RTTN: variants seen among roughly 807,000 people sequenced by gnomAD.
RTTN encodes the protein rotatin.
In RTTN, 182 loss-of-function variants were observed where a neutral mutation model predicts 269.2. That is an observed-to-expected ratio of 0.68 (90% CI 0.60 to 0.76). The LOEUF (loss-of-function observed/expected upper bound fraction) is 0.76. RTTN is among the 30% of genes least tolerant of loss of function. The pLI is 0.00. For synonymous variants in RTTN, 1,006 were observed against 963.5 expected (o/e 1.04, Z -0.82); for missense variants, 2,545 against 2,608.6 (o/e 0.98, Z 0.53).
At chr18:70,109,748 C>A (rs1410811972) in intron 27 of RTTN, 31 bp from the exon 28 acceptor site, 2 of 1,575,472 alleles carry the variant, frequency 1.3e-6, no homozygotes, top group Non-Finnish European at 1.7e-6. Context: ...AAATCAACCA[C>A]CAAGAAAGTA....
intron 33 of RTTN, 108 bp from the exon 34 acceptor site, chr18:70,074,102 A>C: frequency 3.0e-6 from 2 of 671,232 alleles, no homozygotes; most frequent in Non-Finnish European, 5.1e-6. Flanking sequence ...AGAAAGGAAA[A>C]AACTTATATG....
In RTTN at chr18:70,073,977, T is replaced by G. The variant is rs747812556; in HGVS notation, c.4582A>C (p.Lys1528Gln). 1.2e-6 allele frequency: 2 copies of G among 1,611,104 alleles called. No homozygotes were observed. Among genetic ancestry groups the G allele is most frequent in the Admixed American group, 3.3e-5 (2 of 59,834 alleles). ...GTCCTAGATGGAGCCCTCCAAAACTTGAATGAGTCATCTAAACCTGCAACA... is the reference window on the plus strand; with the variant it reads ...GTCCTAGATGGAGCCCTCCAAAACTGGAATGAGTCATCTAAACCTGCAACA... ...NDLNGLDDSF[K>Q]FWRAPSRTSQ... Residue 1528 changes from lysine to glutamine, a missense_variant, in exon 34 of 49, where the codon AAG (lysine) becomes CAG (glutamine). By Grantham distance (53) the Lys-to-Gln change is moderately conservative. Coordinates refer to ENST00000640769, the MANE Select transcript of RTTN (RefSeq NM_173630.4).
chr18:70,092,415 G>A (rs2058874983), intron 29 of RTTN, among the ~76,000 whole-genome samples, 195 bp from the exon 30 acceptor site: 1 of 152,080 alleles, frequency 6.6e-6, no homozygotes, highest in Non-Finnish European at 1.5e-5. Context: ...ACAATTTTTT[G>A]ACAGAAGCTA....
At chr18:70,070,242 C>G (rs569312134) in intron 34 of RTTN, among the ~76,000 whole-genome samples, 1 of 152,342 alleles carries the variant, frequency 6.6e-6, no homozygotes, top group South Asian at 2.1e-4. Context: ...TTTCCAAGAG[C>G]TTGTCTCACT....
chr18:70,104,295 G>A (rs933234165), intron 28 of RTTN, among the ~76,000 whole-genome samples: 1 of 152,110 alleles, frequency 6.6e-6, no homozygotes, highest in African/African-American at 2.4e-5. Flanking sequence ...ACTGAAGCTT[G>A]TGCATATGTC....
At chr18:70,027,116 C>T (rs1291580568) in intron 43 of RTTN, among the ~76,000 whole-genome samples, 2 of 152,194 alleles carry the variant, frequency 1.3e-5, no homozygotes, top group African/African-American at 4.8e-5. Flanking sequence ...GTGTCATCAT[C>T]TCTTGTCTGG....
intron 45 of RTTN, among the ~76,000 whole-genome samples, chr18:70,018,492 C>A (rs1319688705): frequency 6.6e-6 from 1 of 152,216 alleles, no homozygotes; most frequent in African/African-American, 2.4e-5. Context: ...TAACTCTTCT[C>A]TCTCTCTGTT....
At chr18:70,106,413 G>T (rs1220661979) in intron 28 of RTTN, among the ~76,000 whole-genome samples, 1 of 152,102 alleles carries the variant, frequency 6.6e-6, no homozygotes, top group Non-Finnish European at 1.5e-5. Context: ...ATTGTTACAG[G>T]TATATAACCT....
Position 70,140,229 on chromosome 18 carries a change from T to C in RTTN, c.2582-41A>G, listed in dbSNP as rs568012332. 3.1e-5 allele frequency: 37 copies of C among 1,201,920 alleles called. No individual in the cohort carries two copies. In the East Asian group the frequency reaches 8.1e-4, roughly 26 times the overall value. 74.5% of individuals were successfully genotyped at this position (1,201,920 alleles called of 1,614,324 possible). A position where few individuals can be genotyped will look rare whatever the true frequency, so the allele number is the denominator to read the frequency against. Reference sequence around the variant, plus strand: ...GTTACTAAAAGTTAAAGCACATTTTTTGTAGTTTAAAACACGTATTTTGAA... The same window carrying C: ...GTTACTAAAAGTTAAAGCACATTTTCTGTAGTTTAAAACACGTATTTTGAA... On this transcript the variant is annotated intron_variant, in intron 19 of 48. Coordinates refer to ENST00000640769, the MANE Select transcript of RTTN (RefSeq NM_173630.4).
intron 4 of RTTN, among the ~76,000 whole-genome samples, chr18:70,201,652 C>T (rs1043471896): frequency 2.2e-5 from 3 of 136,882 alleles, no homozygotes; most frequent in African/African-American, 5.2e-5. Flanking sequence ...TCATTCAGTA[C>T]GACATACTAC....
chr18:70,204,228 A>G lies in RTTN; in HGVS notation c.255T>C (p.Gly85=). 1.2e-6 allele frequency: 2 copies of G among 1,612,956 alleles called. No individual in the cohort carries two copies. The highest frequency in any genetic ancestry group is 1.7e-6 in the Non-Finnish European group (2 of 1,179,786). Reference sequence around the variant, plus strand: ...GAAGCTTAGATAAGAACTCTACTGCACCAACGTCAACCAAATGTTGGACTG... The same window carrying G: ...GAAGCTTAGATAAGAACTCTACTGCGCCAACGTCAACCAAATGTTGGACTG... The part of the protein sequence containing the change: ...PPAVQHLVDV[G]AVEFLSKLRS... Residue 85 remains glycine (G), a synonymous_variant, in exon 3 of 49, where the codon GGT becomes GGC. Coordinates refer to ENST00000640769, the MANE Select transcript of RTTN (RefSeq NM_173630.4).
intron 14 of RTTN, among the ~76,000 whole-genome samples, chr18:70,163,440 T>C (rs1162654111): frequency 6.6e-6 from 1 of 152,032 alleles, no homozygotes; most frequent in Non-Finnish European, 1.5e-5. Flanking sequence ...CTGGAATCCT[T>C]GGCACTGCCA....
At chr18:70,062,573 A>G (rs1599341632) in intron 35 of RTTN, among the ~76,000 whole-genome samples, 1 of 149,028 alleles carries the variant, frequency 6.7e-6, no homozygotes, top group Admixed American at 6.7e-5. Context: ...ATTTCCTAAA[A>G]TTTGGTCCAT....
chr18:70,185,112 A>C (rs1032978580), intron 10 of RTTN, among the ~76,000 whole-genome samples: 2 of 152,114 alleles, frequency 1.3e-5, no homozygotes, highest in Non-Finnish European at 2.9e-5. Context: ...AAGGACAGTC[A>C]TTTGAACAAA....
chr18:70,083,855 C>T (rs944462683), intron 32 of RTTN, among the ~76,000 whole-genome samples: 10 of 151,230 alleles, frequency 6.6e-5, no homozygotes, highest in African/African-American at 2.4e-4. Flanking sequence ...AAGCGTATCA[C>T]TTGAGCCCAG....
At chr18:70,176,513 A>G (rs563983952) in intron 11 of RTTN, among the ~76,000 whole-genome samples, 162 bp downstream of exon 11, 7 of 152,332 alleles carry the variant, frequency 4.6e-5, no homozygotes, top group Admixed American at 2.0e-4. Flanking sequence ...AATGTTAGCC[A>G]TTTCTCAATT....
intron 37 of RTTN, among the ~76,000 whole-genome samples, chr18:70,055,684 C>A (rs2057798464): frequency 6.6e-6 from 1 of 152,264 alleles, no homozygotes; most frequent in East Asian, 1.9e-4. Context: ...AATAGATAAA[C>A]CATGCCAGGT....
At chr18:70,123,469 C>A (rs2059789626) in intron 25 of RTTN, among the ~76,000 whole-genome samples, 1 of 152,128 alleles carries the variant, frequency 6.6e-6, no homozygotes, top group African/African-American at 2.4e-5. Flanking sequence ...AACCTCTCAG[C>A]AACGTCTCCC....
chr18:70,182,826 AC>A (rs1290581721), intron 10 of RTTN, among the ~76,000 whole-genome samples: 4 of 152,186 alleles, frequency 2.6e-5, no homozygotes, highest in Non-Finnish European at 4.4e-5. Flanking sequence ...TACAAAAAAA[AC>A]AAAATTTAAT....
Sources: gnomAD v4.1 joint callset for allele counts (sites outside exome capture counted in the v4.1 genomes callset) on GRCh38, gnomAD v4.1.1 for gene constraint, MANE v1.5 for transcripts, NCBI Gene and HGNC (gene_info 2026-07-23, HGNC 2026-07-21) for gene names.